Variants in CCDC60 observed in about 807,000 individuals in gnomAD.
The protein encoded by CCDC60 is coiled-coil domain containing 60.
A neutral mutation model predicts 63.5 loss-of-function variants in CCDC60; 54 were observed. The observed-to-expected ratio is 0.85, with a 90% CI of 0.68 to 1.07. The LOEUF is 1.07. CCDC60 is among the 50% of genes least tolerant of loss of function. The probability of loss-of-function intolerance (pLI) is 0.00; values close to 1 mark genes in which losing one functional copy is unlikely to be tolerated. For synonymous variants in CCDC60, 206 were observed against 238.8 expected (o/e 0.86, Z 1.27); for missense variants, 651 against 684.3 (o/e 0.95, Z 0.54).
chr12:119,537,240 G>A (rs1339771691), intron 13 of CCDC60, among the ~76,000 whole-genome samples: 1 of 152,100 alleles, frequency 6.6e-6, no homozygotes, highest in Non-Finnish European at 1.5e-5. Context: ...TAGTTCTTGT[G>A]CCTTGGTTTT....
chr12:119,523,756 G>C lies in CCDC60; in HGVS notation c.1167G>C (p.Lys389Asn), dbSNP rs780931543. Residue 389 changes from lysine (K) to asparagine (N), a missense_variant, in exon 11 of 14, where the codon AAG becomes AAC. Transcript: ENST00000327554. ...GGGTGTGTAACACCATGAGGGCCAA[G>C]TTTTACAGCGTAGCCCAGGAGGCTG... ...KSGVCNTMRA[K>N]FYSVAQEAGF... 6.2e-7 allele frequency: 1 copy of C among 1,614,106 alleles called. No individual in the cohort carries two copies.
At chr12:119,537,514 C>T (rs1953038641) in intron 13 of CCDC60, among the ~76,000 whole-genome samples, 1 of 152,218 alleles carries the variant, frequency 6.6e-6, no homozygotes, top group Non-Finnish European at 1.5e-5. Flanking sequence ...GAATTTTCAG[C>T]TTTTCTGCTC....
chr12:119,520,540 T>G (rs1952496281), intron 9 of CCDC60, among the ~76,000 whole-genome samples: 1 of 129,424 alleles, frequency 7.7e-6, no homozygotes, highest in Admixed American at 8.3e-5. Flanking sequence ...TTAGAGAATA[T>G]TCTTTTTTTT....
intron 1 of CCDC60, among the ~76,000 whole-genome samples, chr12:119,354,851 T>C (rs978885499): frequency 6.6e-6 from 1 of 152,084 alleles, no homozygotes; most frequent in Non-Finnish European, 1.5e-5. Flanking sequence ...GCCAAAGAAA[T>C]CTCTTCTTGG....
At chr12:119,491,134 A>G (rs1951572202) in intron 5 of CCDC60, among the ~76,000 whole-genome samples, 1 of 152,182 alleles carries the variant, frequency 6.6e-6, no homozygotes, top group Admixed American at 6.5e-5. Flanking sequence ...CCCCTTTACA[A>G]TAACCAATAG....
At chr12:119,397,258 G>A (rs1236437179) in intron 1 of CCDC60, among the ~76,000 whole-genome samples, 1 of 152,166 alleles carries the variant, frequency 6.6e-6, no homozygotes, top group African/African-American at 2.4e-5. Context: ...TCCATGATCT[G>A]AAAAGGGACC....
chr12:119,528,550 C>T, intron 11 of CCDC60, 65 bp from the exon 12 acceptor site: 1 of 1,530,044 alleles, frequency 6.5e-7, no homozygotes, highest in Non-Finnish European at 8.9e-7. Flanking sequence ...TCTCAAAGGG[C>T]AGCTAAGATG....
intron 11 of CCDC60, among the ~76,000 whole-genome samples, chr12:119,525,340 C>T (rs967636136): frequency 1.3e-5 from 2 of 152,162 alleles, no homozygotes; most frequent in Admixed American, 6.5e-5. Flanking sequence ...ATCCCCAAGA[C>T]ACATAATCAT....
rs76691250 is a variant in CCDC60 at position 119,484,485 on chromosome 12, G to A, written c.450-4274G>A. Among the ~76,000 whole-genome samples, 719 of 152,078 alleles carry A rather than the reference G, an allele frequency of 4.7e-3. 7 individuals carry two copies. The highest frequency in any genetic ancestry group is 0.016 in the African/African-American group (679 of 41,460). On this transcript the variant is annotated intron_variant, in intron 4 of 13. Coordinates refer to ENST00000327554, the MANE Select transcript of CCDC60 (RefSeq NM_178499.5). ...AATCCCAGCACTTTGGGAAACTGAG[G>A]CAGGCGGATCGCTTGAGCCCAGGAG...
intron 1 of CCDC60, among the ~76,000 whole-genome samples, chr12:119,338,963 C>T (rs185119152): frequency 3.3e-5 from 5 of 152,316 alleles, no homozygotes; most frequent in Admixed American, 2.6e-4. Flanking sequence ...ACGAATGTTC[C>T]ACTGGCAACT....
At chr12:119,482,003 T>C (rs1271589869) in intron 4 of CCDC60, among the ~76,000 whole-genome samples, 2 of 75,616 alleles carry the variant, frequency 2.6e-5, no homozygotes, top group East Asian at 6.4e-4. Flanking sequence ...TATATGTATA[T>C]ATAGTATATA....
At chr12:119,405,877 A>C (rs2136187296) in intron 1 of CCDC60, among the ~76,000 whole-genome samples, 1 of 152,316 alleles carries the variant, frequency 6.6e-6, no homozygotes, top group South Asian at 2.1e-4. Flanking sequence ...CTGTAATTAA[A>C]AAATATAGAT....
At chr12:119,367,904 T>G (rs1457307106) in intron 1 of CCDC60, among the ~76,000 whole-genome samples, 2 of 149,662 alleles carry the variant, frequency 1.3e-5, no homozygotes. Context: ...ATAAAGGGGT[T>G]TTTTTTTTTT....
chr12:119,346,774 C>CTCTTTCTTTCTTTTCTT (rs1555230506), intron 1 of CCDC60, among the ~76,000 whole-genome samples: 17 of 125,394 alleles, frequency 1.4e-4, no homozygotes, highest in African/African-American at 4.9e-4. Flanking sequence ...ACTCATCTTT[C>CTCTTTCTTTCTTTTCTT]TCTTTCTTTC....
At chr12:119,444,260 C>T (rs528317947) in intron 2 of CCDC60, among the ~76,000 whole-genome samples, 61 of 152,346 alleles carry the variant, frequency 4.0e-4, no homozygotes, top group South Asian at 1.0e-3. Context: ...AGAGTTGTCA[C>T]AGTACGTGTT....
intron 1 of CCDC60, among the ~76,000 whole-genome samples, chr12:119,374,960 G>A (rs536031539): frequency 7.9e-5 from 12 of 152,128 alleles, no homozygotes; most frequent in Non-Finnish European, 1.2e-4. Flanking sequence ...TCTTGGTTTT[G>A]GTGGGTTTTG....
chr12:119,352,491 T>A (rs1678034190), intron 1 of CCDC60, among the ~76,000 whole-genome samples: 1 of 152,188 alleles, frequency 6.6e-6, no homozygotes, highest in African/African-American at 2.4e-5. Context: ...TTAAATATGT[T>A]TATAAGATGT....
chr12:119,392,374 A>T (rs7297989), intron 1 of CCDC60, among the ~76,000 whole-genome samples: 1,742 of 152,282 alleles, frequency 0.011, 35 homozygotes, highest in African/African-American at 0.04. Context: ...CTGTGAGGAG[A>T]AGTGGACACT....
At chr12:119,355,715 G>A (rs188122576) in intron 1 of CCDC60, among the ~76,000 whole-genome samples, 19 of 152,364 alleles carry the variant, frequency 1.2e-4, no homozygotes, top group Non-Finnish European at 1.9e-4. Flanking sequence ...TGTGCCACGA[G>A]TAGCAGCTCA....
Sources: gnomAD v4.1 joint callset for allele counts (sites outside exome capture counted in the v4.1 genomes callset) on GRCh38, gnomAD v4.1.1 for gene constraint, MANE v1.5 for transcripts, NCBI Gene and HGNC (gene_info 2026-07-23, HGNC 2026-07-21) for gene names.